The following ACTC1 variants were observed in gnomAD, a reference collection of about 807,000 sequenced individuals.
ACTC1 encodes actin, alpha cardiac muscle 1.
A neutral mutation model predicts 31.6 loss-of-function variants in ACTC1; 10 were observed. The ratio of observed to expected loss-of-function variants is 0.32; its 90% CI spans 0.19 to 0.54. The LOEUF (loss-of-function observed/expected upper bound fraction) is 0.54, where lower values mean the gene tolerates loss of function less well. ACTC1 is among the 20% of genes least tolerant of loss of function. The pLI, the probability that ACTC1 is intolerant of heterozygous loss-of-function variation, is 0.95. For missense variants in ACTC1, 129 were observed against 506.4 expected (o/e 0.25, Z 7.15); for synonymous variants, 196 against 185.0 (o/e 1.06, Z -0.48).
At position 34,790,275 on chromosome 15, in the gene ACTC1, T is replaced by G. The variant is rs149031785; in HGVS notation, c.*137A>C. 4.3e-6 allele frequency: 5 copies of G among 1,162,264 alleles called. No homozygotes were observed. The highest frequency in any genetic ancestry group is 6.4e-6 in the Non-Finnish European group (5 of 780,988). The allele number at this position is 1,162,264 out of a possible 1,614,324, so 72.0% of individuals were successfully genotyped here. ...GGTTTATTTATAAAGCAATAAATAT[T>G]AGAAGCACAAACAAATTGCACGTGT... On this transcript the variant is annotated 3_prime_UTR_variant, in exon 7 of 7. Transcript: ENST00000290378.
chr15:34,791,279 G>A lies in ACTC1; in HGVS notation c.825C>T (p.Gly275=). 6.2e-7 allele frequency: 1 copy of A among 1,610,602 alleles called. No individual in the cohort carries two copies. Among genetic ancestry groups the A allele is most frequent in the South Asian group, 1.1e-5 (1 of 91,008 alleles). The change falls in exon 6 of 7, where the codon GGC becomes GGT. Residue 275 remains glycine, a synonymous_variant. Coordinates refer to ENST00000290378, the MANE Select transcript of ACTC1 (RefSeq NM_005159.5). ...QPSFIGMESA[G]IHETTYNSIM... is the part of the protein sequence containing the mutation. ...TGCTATTGTAAGTTGTTTCATGGAT[G>A]CCAGCAGATTCCATACCTGGGAACG...
intron 6 of ACTC1, 138 bp downstream of exon 6, chr15:34,790,976 G>GA: frequency 2.4e-6 from 2 of 846,676 alleles, no homozygotes; most frequent in Non-Finnish European, 3.6e-6. Context: ...AAGAAAATCA[G>GA]AAAAAGTGGT....
intron 5 of ACTC1, 45 bp from the exon 6 acceptor site, chr15:34,791,340 C>T: frequency 1.0e-6 from 1 of 987,740 alleles, no homozygotes; most frequent in East Asian, 3.5e-5. Context: ...CACACACACA[C>T]ACACACACAC....
intron 1 of ACTC1, 112 bp from the exon 2 acceptor site, chr15:34,794,942 G>A (rs1891788736): frequency 3.0e-6 from 3 of 1,006,566 alleles, no homozygotes; most frequent in Non-Finnish European, 4.2e-6. Flanking sequence ...CTGGACAGGG[G>A]GTTGGGCGGG....
At position 34,793,624 on chromosome 15, in the gene ACTC1, A is replaced by T. The variant is rs147582430; in HGVS notation, c.130-55T>A. The T allele has an allele frequency of 9.5e-5, 145 of 1,522,786 alleles. No individual in the cohort carries two copies. The East Asian group carries it at 3.3e-3, about 34-fold the overall frequency. 94.3% of individuals were successfully genotyped at this position (1,522,786 alleles called of 1,614,324 possible). On this transcript the variant is annotated intron_variant, in intron 2 of 6. Coordinates refer to ENST00000290378, the MANE Select transcript of ACTC1 (RefSeq NM_005159.5). The surrounding 1 kb of genome is among the most constrained non-coding windows in gnomAD (Gnocchi z 4.8). ...CTCTCACCATGTCAGGAATATAATCAGTGTCTTGTCCATTTATATCTAACT... is the reference window on the plus strand; with the variant it reads ...CTCTCACCATGTCAGGAATATAATCTGTGTCTTGTCCATTTATATCTAACT...
chr15:34,795,351 T>TAACTTTAA lies in ACTC1; in HGVS notation c.-23+154_-23+155insTTAAAGTT, dbSNP rs35331864. ...GAACCAAATCAAAAAGTGTGGGCTT[T>TAACTTTAA]AAAAAAAAAAAAAAAAAGGCAGTCG... On this transcript the variant is annotated intron_variant, in intron 1 of 6. Transcript: ENST00000290378. Among the ~76,000 whole-genome samples, 5 of 136,578 alleles carry TAACTTTAA rather than the reference T, an allele frequency of 3.7e-5. No individual in the cohort carries two copies. In the East Asian group the frequency reaches 6.5e-4, roughly 18 times the overall value. 89.6% of individuals were successfully genotyped at this position (136,578 alleles called of 152,430 possible).
chr15:34,791,053 C>T lies in ACTC1; in HGVS notation c.990+61G>A, dbSNP rs1166038424. 11 of 1,473,178 alleles carry T rather than the reference C, an allele frequency of 7.5e-6. No individual in the cohort carries two copies. In the Admixed American group the frequency reaches 7.5e-5, roughly 10 times the overall value. 91.3% of individuals were successfully genotyped at this position (1,473,178 alleles called of 1,614,324 possible). ...AGTATGAGGGAAAAGGAATTTGGAA[C>T]GTAGTTCTGCTTAGAATACCAAGAC... On this transcript the variant is annotated intron_variant, in intron 6 of 6. Transcript: ENST00000290378.
rs1891672017 is a variant in ACTC1 at position 34,790,237 on chromosome 15, C to T, written c.*175G>A. On this transcript the variant is annotated 3_prime_UTR_variant, in exon 7 of 7. Transcript: ENST00000290378. ...ACAAACGAGAGGCTTTTATAGGTTG[C>T]AAGTCCTGGTCTGGTTTATTTATAA... is the stretch of plus-strand genomic sequence containing the variant. 1 of 862,414 alleles carries T rather than the reference C, an allele frequency of 1.2e-6. No homozygotes were observed. The highest frequency in any genetic ancestry group is 2.2e-5 in the Admixed American group (1 of 45,504). The allele number at this position is 862,414 out of a possible 1,614,324, so 53.4% of individuals were successfully genotyped here. A position where few individuals can be genotyped will look rare whatever the true frequency, so the allele number is the denominator to read the frequency against.
rs530841804 is a variant in ACTC1 at position 34,792,342 on chromosome 15, A to C, written c.617-61T>G. ...AGCAAGAAGTCAATTATAGGGAGGTAGGCGGATTCAGTGAGAGAGGAGGAA... is the reference window on the plus strand; with the variant it reads ...AGCAAGAAGTCAATTATAGGGAGGTCGGCGGATTCAGTGAGAGAGGAGGAA... On this transcript the variant is annotated intron_variant, in intron 4 of 6. Transcript: ENST00000290378. This position sits in a 1 kb window ranked among gnomAD's most constrained non-coding sequence, Gnocchi z 5.3. 6.2e-7 allele frequency: 1 copy of C among 1,613,832 alleles called. No individual in the cohort carries two copies. The highest frequency in any genetic ancestry group is 8.5e-7 in the Non-Finnish European group (1 of 1,179,680).
Position 34,793,267 on chromosome 15 carries a change from C to T in ACTC1, c.432G>A (p.Leu144=). ...MYVAIQAVLS[L]YASGRTTGIV... ...TACCTGTGGTACGGCCAGAAGCATA[C>T]AGGGATAGCACTGCCTGGATGGCCA... Residue 144 remains leucine (L), a synonymous_variant, in exon 3 of 7, where the codon CTG becomes CTA. Transcript: ENST00000290378. This position sits in a 1 kb window ranked among gnomAD's most constrained non-coding sequence, Gnocchi z 4.8. The T allele has an allele frequency of 6.2e-7, 1 of 1,614,088 alleles. No homozygotes were observed. Among genetic ancestry groups the T allele is most frequent in the South Asian group, 1.1e-5 (1 of 91,060 alleles).
intron 1 of ACTC1, among the ~76,000 whole-genome samples, chr15:34,795,034 C>A (rs1213055212): frequency 6.6e-6 from 1 of 152,144 alleles, no homozygotes; most frequent in East Asian, 1.9e-4. Flanking sequence ...CAGAGAAGGG[C>A]AGAGGAATCC....
chr15:34,792,881 G>T lies in ACTC1; in HGVS notation c.455-312C>A, dbSNP rs2140431355. 2.0e-6 allele frequency: 1 copy of T among 507,388 alleles called. No individual in the cohort carries two copies. Among genetic ancestry groups the T allele is most frequent in the East Asian group, 3.7e-5 (1 of 27,326 alleles). 31.4% of individuals were successfully genotyped at this position (507,388 alleles called of 1,614,324 possible). A position where few individuals can be genotyped will look rare whatever the true frequency, so the allele number is the denominator to read the frequency against. Reference sequence around the variant, plus strand: ...AAGGGTGTTTTTCTTTGCTCCTATTGAACTTACACGTTTCTCTCTCTTTTG... The same window carrying T: ...AAGGGTGTTTTTCTTTGCTCCTATTTAACTTACACGTTTCTCTCTCTTTTG... On this transcript the variant is annotated intron_variant, in intron 3 of 6. Transcript: ENST00000290378. This position sits in a 1 kb window ranked among gnomAD's most constrained non-coding sequence, Gnocchi z 5.3.
chr15:34,795,465 C>G (rs910490615), intron 1 of ACTC1, 41 bp downstream of exon 1: 1 of 152,228 alleles, frequency 6.6e-6, no homozygotes, highest in Non-Finnish European at 1.5e-5. Flanking sequence ...GGCCCGCGGA[C>G]CAGGCGAGGA....
At chr15:34,791,677 C>T (rs1009691804) in intron 5 of ACTC1, 2 of 338,852 alleles carry the variant, frequency 5.9e-6, no homozygotes, top group South Asian at 7.4e-5. Context: ...GAAAGCATTG[C>T]TTAGGAAGGA....
In ACTC1 at chr15:34,790,291, T is replaced by C. The variant is rs535622574; in HGVS notation, c.*121A>G. 1.6e-5 allele frequency: 21 copies of C among 1,286,922 alleles called. No individual in the cohort carries two copies. Among genetic ancestry groups the C allele is most frequent in the Middle Eastern group, 2.6e-4 (1 of 3,788 alleles). 79.7% of individuals were successfully genotyped at this position (1,286,922 alleles called of 1,614,324 possible). The stretch of plus-strand genomic sequence containing the variant: ...AATAAATATTAGAAGCACAAACAAA[T>C]TGCACGTGTGTAAACAAACTGTACA... On this transcript the variant is annotated 3_prime_UTR_variant, in exon 7 of 7. Transcript: ENST00000290378.
Position 34,793,264 on chromosome 15 carries a change from A to T in ACTC1, c.435T>A (p.Tyr145Ter). 1.2e-6 allele frequency: 2 copies of T among 1,614,160 alleles called. No individual in the cohort carries two copies. The highest frequency in any genetic ancestry group is 1.7e-6 in the Non-Finnish European group (2 of 1,180,020). Residue 145 changes from tyrosine to a stop codon, truncating the protein, a stop_gained, in exon 3 of 7, where the codon TAT becomes TAA. Transcript: ENST00000290378. LOFTEE classifies it high-confidence loss of function. This position sits in a 1 kb window ranked among gnomAD's most constrained non-coding sequence, Gnocchi z 4.8. ...GCATACCTGTGGTACGGCCAGAAGC[A>T]TACAGGGATAGCACTGCCTGGATGG... ...YVAIQAVLSL[Y>*]ASGRTTGIVL...
intron 6 of ACTC1, 65 bp downstream of exon 6, chr15:34,791,049 G>T: frequency 1.4e-6 from 2 of 1,437,032 alleles, no homozygotes; most frequent in Non-Finnish European, 1.9e-6. Flanking sequence ...AAAGGAATTT[G>T]GAACGTAGTT....
At position 34,792,780 on chromosome 15, in the gene ACTC1, T is replaced by G; in HGVS notation, c.455-211A>C. On this transcript the variant is annotated intron_variant, in intron 3 of 6. Transcript: ENST00000290378. This position sits in a 1 kb window ranked among gnomAD's most constrained non-coding sequence, Gnocchi z 5.3. ...CTGCAGCTCATCTTTTTAACTATTATAGTAGAAAAAATTCCCGAGGACACT... is the reference window on the plus strand; with the variant it reads ...CTGCAGCTCATCTTTTTAACTATTAGAGTAGAAAAAATTCCCGAGGACACT... The G allele has an allele frequency of 3.3e-6, 2 of 599,098 alleles. No individual in the cohort carries two copies. Among genetic ancestry groups the G allele is most frequent in the South Asian group, 2.0e-5 (1 of 50,452 alleles). 37.1% of individuals were successfully genotyped at this position (599,098 alleles called of 1,614,324 possible). A position where few individuals can be genotyped will look rare whatever the true frequency, so the allele number is the denominator to read the frequency against.
intron 1 of ACTC1, 105 bp from the exon 2 acceptor site, chr15:34,794,935 G>A: frequency 1.6e-6 from 1 of 620,154 alleles, no homozygotes; most frequent in Non-Finnish European, 2.5e-6. Flanking sequence ...GTGGGGACTG[G>A]ACAGGGGGTT....
Sources: allele counts gnomAD v4.1 joint callset (sites outside exome capture counted in the v4.1 genomes callset), GRCh38; gene constraint gnomAD v4.1.1; non-coding constraint Gnocchi (gnomAD v3.1); transcripts MANE v1.5; gene names NCBI Gene and HGNC (gene_info 2026-07-23, HGNC 2026-07-21).